Variants in MTF2 observed in about 807,000 individuals in gnomAD.
The protein encoded by MTF2 is metal response element binding transcription factor 2, also known as metal-response element-binding transcription factor 2.
In MTF2, 11 loss-of-function variants were observed where a neutral mutation model predicts 79.5. The ratio of observed to expected loss-of-function variants is 0.14; its 90% confidence interval spans 0.09 to 0.23. The LOEUF (loss-of-function observed/expected upper bound fraction) is 0.23. Among genes scored for constraint, MTF2 ranks in the 10% least tolerant of loss-of-function variants. The pLI is 1.00. For synonymous variants in MTF2, 208 were observed against 232.8 expected (o/e 0.89, Z 0.97); for missense variants, 486 against 711.2 (o/e 0.68, Z 3.60).
chr1:93,091,263 G>T (rs1571218085), intron 1 of MTF2, among the ~76,000 whole-genome samples: 1 of 151,872 alleles, frequency 6.6e-6, no homozygotes, highest in African/African-American at 2.4e-5. Flanking sequence ...TCATTTTTTT[G>T]GTAATATTTT....
In MTF2 at chr1:93,079,511, C is replaced by G. The variant is rs372768650; in HGVS notation, c.-16C>G. On this transcript the variant is annotated 5_prime_UTR_variant, in exon 1 of 15. Transcript: ENST00000370298. ...TTTTTCCTGTATGAAGCGGTTGGCA[C>G]CACTGAAGTGACCGAATGAGGTGAG... 6.2e-7 allele frequency: 1 copy of G among 1,613,740 alleles called. No individual in the cohort carries two copies. The highest frequency in any genetic ancestry group is 1.3e-5 in the African/African-American group (1 of 74,832).
In MTF2 at chr1:93,136,704, A is replaced by G; in HGVS notation, c.1459A>G (p.Arg487Gly). The change falls in exon 15 of 15, where the codon AGA becomes GGA. Residue 487 changes from arginine (R) to glycine (G), a missense_variant. Arg to Gly is a moderately radical substitution (Grantham distance 125, BLOSUM62 -2). Around this residue, in one of 4 missense-constraint regions of MTF2, gnomAD observed 209 missense variants for 206.5 expected, o/e 1.01. Coordinates refer to ENST00000370298, the MANE Select transcript of MTF2 (RefSeq NM_007358.4). ...SDSRKRTRTGRSWPAAIPHLR... is the reference protein window; with the variant it reads ...SDSRKRTRTGGSWPAAIPHLR... ...CTCCAGAAAAAGAACGCGTACAGGA[A>G]GATCTTGGCCTGCTGCAATACCACA... 3 of 1,614,060 alleles carry G rather than the reference A, an allele frequency of 1.9e-6. No homozygotes were observed. The highest frequency in any genetic ancestry group is 2.5e-6 in the Non-Finnish European group (3 of 1,179,980).
chr1:93,098,361 A>G (rs776441585), intron 1 of MTF2, among the ~76,000 whole-genome samples: 1 of 152,154 alleles, frequency 6.6e-6, no homozygotes, highest in Non-Finnish European at 1.5e-5. Flanking sequence ...ATTACACTGC[A>G]TATAGTTTTT....
chr1:93,106,885 T>G (rs1655816782), intron 1 of MTF2, among the ~76,000 whole-genome samples: 1 of 152,206 alleles, frequency 6.6e-6, no homozygotes, highest in Non-Finnish European at 1.5e-5. Flanking sequence ...GCCGTTAAAT[T>G]GTTTCAAAAT....
At chr1:93,119,611 G>A in intron 8 of MTF2, 1 of 455,426 alleles carries the variant, frequency 2.2e-6, no homozygotes, top group Admixed American at 4.1e-5. Flanking sequence ...AGTGTTGAAT[G>A]TTATAAATGA....
intron 8 of MTF2, 105 bp from the exon 9 acceptor site, chr1:93,120,444 A>T (rs953926542): frequency 1.5e-5 from 16 of 1,082,668 alleles, no homozygotes; most frequent in Middle Eastern, 6.3e-4. Context: ...CTATCCACCT[A>T]AATATTTCTC....
At chr1:93,120,460 AT>A in intron 8 of MTF2, 88 bp from the exon 9 acceptor site, 9 of 1,247,616 alleles carry the variant, frequency 7.2e-6, no homozygotes, top group Non-Finnish European at 9.8e-6. Context: ...TTCTCTTTGC[AT>A]TTTAATTACT....
chr1:93,104,737 G>A (rs1188377645), intron 1 of MTF2, among the ~76,000 whole-genome samples: 3 of 150,826 alleles, frequency 2.0e-5, no homozygotes, highest in African/African-American at 7.3e-5. Flanking sequence ...ATATTGGTTA[G>A]ATAAAAAAAT....
chr1:93,119,541 G>T, intron 8 of MTF2, 140 bp downstream of exon 8: 1 of 601,182 alleles, frequency 1.7e-6, no homozygotes, highest in East Asian at 3.0e-5. Context: ...TTATCCTCAT[G>T]CCTGATGTCA....
At chr1:93,100,104 T>G (rs754045125) in intron 1 of MTF2, among the ~76,000 whole-genome samples, 2 of 152,090 alleles carry the variant, frequency 1.3e-5, no homozygotes, top group Non-Finnish European at 2.9e-5. Flanking sequence ...AAGAGAAGTA[T>G]AAACACATTA....
chr1:93,084,596 ATAT>A (rs1328634932), intron 1 of MTF2, among the ~76,000 whole-genome samples: 3 of 152,212 alleles, frequency 2.0e-5, no homozygotes, highest in Non-Finnish European at 1.5e-5. Context: ...TGCCATTTTA[ATAT>A]TATTAACATC....
At chr1:93,114,264 T>G (rs1228277180) in intron 3 of MTF2, among the ~76,000 whole-genome samples, 2 of 152,226 alleles carry the variant, frequency 1.3e-5, no homozygotes, top group Non-Finnish European at 2.9e-5. Flanking sequence ...TTACTTTTTT[T>G]CTTTAATTTC....
intron 9 of MTF2, among the ~76,000 whole-genome samples, chr1:93,123,761 TCC>T (rs34840034): frequency 4.6e-4 from 63 of 136,680 alleles, no homozygotes; most frequent in African/African-American, 1.5e-3. Flanking sequence ...GTGTATTGTG[TCC>T]CCCCCCCCTT....
chr1:93,101,574 T>TTTTTGG (rs1557546775), intron 1 of MTF2, among the ~76,000 whole-genome samples: 1 of 88,258 alleles, frequency 1.1e-5, no homozygotes, highest in African/African-American at 5.0e-5. Context: ...GCTGGTTTTT[T>TTTTTGG]TTTTTTTTTT....
At chr1:93,085,573 A>G (rs1334021389) in intron 1 of MTF2, among the ~76,000 whole-genome samples, 2 of 151,306 alleles carry the variant, frequency 1.3e-5, no homozygotes, top group African/African-American at 4.9e-5. Context: ...TGTACCCTCA[A>G]ACTCCCGGGC....
intron 11 of MTF2, among the ~76,000 whole-genome samples, chr1:93,132,077 G>A (rs1656940831): frequency 6.6e-6 from 1 of 151,976 alleles, no homozygotes; most frequent in Non-Finnish European, 1.5e-5. Flanking sequence ...TTGCCTGGTA[G>A]CCTCCATTTT....
intron 10 of MTF2, among the ~76,000 whole-genome samples, chr1:93,127,704 AGTT>A (rs1656753502): frequency 6.6e-6 from 1 of 152,296 alleles, no homozygotes. Flanking sequence ...TGGTTATAAT[AGTT>A]AACACCATTA....
intron 1 of MTF2, among the ~76,000 whole-genome samples, chr1:93,094,728 A>G (rs1278696250): frequency 6.6e-6 from 1 of 152,136 alleles, no homozygotes; most frequent in Non-Finnish European, 1.5e-5. Context: ...GGGTTCTCCC[A>G]TCAGGAAGCA....
intron 1 of MTF2, among the ~76,000 whole-genome samples, chr1:93,090,544 G>T (rs1018461655): frequency 1.3e-5 from 2 of 152,008 alleles, no homozygotes; most frequent in South Asian, 2.1e-4. Flanking sequence ...CACTGTGCCT[G>T]ACTGACTGTA....
Sources: gnomAD v4.1 joint callset for allele counts (sites outside exome capture counted in the v4.1 genomes callset) on GRCh38, gnomAD v4.1.1 for gene constraint, gnomAD v4.1.1 regional missense constraint, MANE v1.5 for transcripts, NCBI Gene and HGNC (gene_info 2026-07-23, HGNC 2026-07-21) for gene names.